CBLB: variants seen among roughly 807,000 people sequenced by gnomAD.
The protein encoded by CBLB is E3 ubiquitin-protein ligase CBL-B.
In CBLB, 31 loss-of-function variants were observed where a neutral mutation model predicts 104.9. The ratio of observed to expected loss-of-function variants is 0.30; its 90% CI spans 0.22 to 0.40. The LOEUF is 0.40. Among genes scored for constraint, CBLB ranks in the 10% least tolerant of loss-of-function variants. The pLI is 1.00. For synonymous variants in CBLB, 440 were observed against 422.6 expected, an observed-to-expected ratio of 1.04 and a Z score of -0.51; for missense variants, 1,062 against 1,214.6, an observed-to-expected ratio of 0.87 and a Z score of 1.87.
At chr3:105,803,686 T>C (rs1428141576) in intron 3 of CBLB, among the ~76,000 whole-genome samples, 1 of 152,184 alleles carries the variant, frequency 6.6e-6, no homozygotes, top group Non-Finnish European at 1.5e-5. Flanking sequence ...CCATTCTTAG[T>C]AGAAAATCAA....
chr3:105,691,326 A>G (rs2067664094), intron 13 of CBLB, among the ~76,000 whole-genome samples: 1 of 152,216 alleles, frequency 6.6e-6, no homozygotes, highest in African/African-American at 2.4e-5. Flanking sequence ...AAGTGAAACA[A>G]TTGCACTGTT....
At chr3:105,708,340 T>A (rs2070526277) in intron 10 of CBLB, among the ~76,000 whole-genome samples, 1 of 152,114 alleles carries the variant, frequency 6.6e-6, no homozygotes, top group South Asian at 2.1e-4. Flanking sequence ...CTGTTCCTCT[T>A]AATCACTACT....
At chr3:105,817,901 T>G (rs1399561154) in intron 3 of CBLB, among the ~76,000 whole-genome samples, 2 of 152,232 alleles carry the variant, frequency 1.3e-5, no homozygotes, top group African/African-American at 4.8e-5. Flanking sequence ...TTTGCATTAT[T>G]AAGTTTTATG....
chr3:105,861,530 T>C (rs2092086217), intron 2 of CBLB, among the ~76,000 whole-genome samples: 1 of 151,864 alleles, frequency 6.6e-6, no homozygotes, highest in Non-Finnish European at 1.5e-5. Context: ...TACTTGTTCC[T>C]ACTCTTTCCC....
chr3:105,767,562 C>CTTTTTTTTTTTTTT (rs34794014), intron 4 of CBLB, among the ~76,000 whole-genome samples: 2 of 141,144 alleles, frequency 1.4e-5, no homozygotes, highest in Admixed American at 7.0e-5. Flanking sequence ...CTTTTTCTTT[C>CTTTTTTTTTTTTTT]TTTTTTTTTT....
intron 12 of CBLB, among the ~76,000 whole-genome samples, chr3:105,698,073 A>G (rs1265781949): frequency 6.6e-6 from 1 of 152,116 alleles, no homozygotes. Context: ...GAAATCTCTT[A>G]CCATCAAAAT....
chr3:105,706,097 G>A (rs962007175), intron 10 of CBLB, among the ~76,000 whole-genome samples: 4 of 151,730 alleles, frequency 2.6e-5, no homozygotes, highest in South Asian at 4.2e-4. Context: ...AGCTATAATC[G>A]TACCACTGCA....
At chr3:105,777,540 T>C (rs2079628529) in intron 3 of CBLB, among the ~76,000 whole-genome samples, 1 of 152,162 alleles carries the variant, frequency 6.6e-6, no homozygotes, top group Non-Finnish European at 1.5e-5. Context: ...ATGTGATCTC[T>C]TGAGCCAGGA....
chr3:105,711,657 C>A, intron 10 of CBLB, among the ~76,000 whole-genome samples: 1 of 152,062 alleles, frequency 6.6e-6, no homozygotes, highest in East Asian at 1.9e-4. Context: ...GGTCATACTT[C>A]CAGAAGTCTC....
At chr3:105,784,508 T>C (rs1208722917) in intron 3 of CBLB, among the ~76,000 whole-genome samples, 1 of 152,220 alleles carries the variant, frequency 6.6e-6, no homozygotes, top group Non-Finnish European at 1.5e-5. Flanking sequence ...ACAACAGTAG[T>C]AACAAATTTT....
At chr3:105,706,900 CT>C (rs2152797329) in intron 10 of CBLB, among the ~76,000 whole-genome samples, 1 of 152,236 alleles carries the variant, frequency 6.6e-6, no homozygotes, top group Admixed American at 6.5e-5. Flanking sequence ...CCTCCAAGCA[CT>C]TTTTTTCTGC....
upstream of CBLB, chr3:105,869,139 G>C (rs1706738244): frequency 1.4e-6 from 1 of 726,844 alleles, no homozygotes; most frequent in Non-Finnish European, 1.9e-6. Flanking sequence ...CCAATGGACG[G>C]GAGGCGCCCG....
At chr3:105,706,610 C>G (rs2070188969) in intron 10 of CBLB, among the ~76,000 whole-genome samples, 1 of 152,098 alleles carries the variant, frequency 6.6e-6, no homozygotes, top group Non-Finnish European at 1.5e-5. Context: ...CACTGTAGAT[C>G]AGCAATTGTC....
chr3:105,834,677 T>C (rs974102824), intron 3 of CBLB, among the ~76,000 whole-genome samples: 1 of 151,938 alleles, frequency 6.6e-6, no homozygotes, highest in Non-Finnish European at 1.5e-5. Context: ...GAAAATCAAG[T>C]AAGCAAGCAA....
chr3:105,672,774 A>G (rs1263248202), intron 17 of CBLB: 2 of 152,258 alleles, frequency 1.3e-5, no homozygotes, highest in East Asian at 3.9e-4. Context: ...TACTTATTTG[A>G]GAGATTATAA....
intron 3 of CBLB, among the ~76,000 whole-genome samples, chr3:105,823,736 T>C (rs2086198100): frequency 6.6e-6 from 1 of 152,146 alleles, no homozygotes. Context: ...GCCACAATTA[T>C]CATGTTTATT....
chr3:105,818,965 C>T (rs536404261), intron 3 of CBLB, among the ~76,000 whole-genome samples: 1 of 152,128 alleles, frequency 6.6e-6, no homozygotes, highest in Non-Finnish European at 1.5e-5. Context: ...ACTCAACTAT[C>T]CCTGACTTAA....
chr3:105,753,103 C>A (rs1483022532), intron 4 of CBLB, among the ~76,000 whole-genome samples: 1 of 152,038 alleles, frequency 6.6e-6, no homozygotes, highest in East Asian at 1.9e-4. Context: ...ACAGCAAGGG[C>A]TGGAGGGATT....
intron 9 of CBLB, among the ~76,000 whole-genome samples, chr3:105,731,140 CAT>C (rs756423304): frequency 9.9e-5 from 15 of 152,182 alleles, no homozygotes; most frequent in Non-Finnish European, 1.6e-4. Context: ...CACAGTAACA[CAT>C]AGACATGTTG....
Sources: allele counts gnomAD v4.1 joint callset (sites outside exome capture counted in the v4.1 genomes callset), GRCh38; gene constraint gnomAD v4.1.1; transcripts MANE v1.5; gene names NCBI Gene and HGNC (gene_info 2026-07-23, HGNC 2026-07-21).